The following NRN1L variants were observed in gnomAD, a reference collection of about 807,000 sequenced individuals.
The protein encoded by NRN1L is neuritin 1 like.
Under a neutral mutation model 8.8 loss-of-function variants are expected in NRN1L, and 12 were observed. The observed-to-expected ratio is 1.36, with a 90% CI of 0.87 to 2.20. The LOEUF (loss-of-function observed/expected upper bound fraction) is 2.20. Among genes scored for constraint, NRN1L ranks in the 30% most tolerant of loss-of-function variants. The pLI is 0.00. For synonymous variants in NRN1L, 114 were observed against 99.2 expected, an observed-to-expected ratio of 1.15 and a Z score of -0.88; for missense variants, 266 against 232.4, an observed-to-expected ratio of 1.14 and a Z score of -0.94.
rs1252223405 is a variant in NRN1L, at chr16:67,886,044, T to A, written c.283T>A (p.Trp95Arg). Reference protein sequence around the residue: ...SGCPEEAAAVWESLQQEARQA... With the variant: ...SGCPEEAAAVRESLQQEARQA... ...CTGTCCGGAGGAGGCAGCTGCAGTG[T>A]GGGAATCACTACAGCAAGAAGCTCG... The change falls in exon 3 of 3, where the codon TGG becomes AGG. Residue 95 changes from tryptophan (W) to arginine (R), a missense_variant. Coordinates refer to ENST00000339176, the MANE Select transcript of NRN1L (RefSeq NM_198443.2). 1.2e-6 allele frequency: 2 copies of A among 1,613,846 alleles called. No individual in the cohort carries two copies. The highest frequency in any genetic ancestry group is 1.7e-6 in the Non-Finnish European group (2 of 1,179,890).
downstream of NRN1L, chr16:67,886,415 G>C: frequency 1.4e-6 from 1 of 722,194 alleles, no homozygotes; most frequent in Non-Finnish European, 2.2e-6. Flanking sequence ...TGCGGCTGGG[G>C]CCAGGGACTC....
Position 67,885,724 on chromosome 16 carries a change from CT to C in NRN1L, c.86del (p.Leu29TyrfsTer133). 1.3e-6 allele frequency: 2 copies of C among 1,558,570 alleles called. No homozygotes were observed. Among genetic ancestry groups the C allele is most frequent in the South Asian group, 1.1e-5 (1 of 88,038 alleles). ...LRPLLLLPLV[L>X]LPPLAAAAAG... is the part of the protein sequence containing the mutation. ...CCCCACCCCCGCCCCACTTCTAGTC[CT>C]TTTACCTCCCCTGGCAGCAGCTGCA... is the stretch of plus-strand genomic sequence containing the variant. On this transcript the variant is annotated frameshift_variant, in exon 2 of 3. Coordinates refer to ENST00000339176, the MANE Select transcript of NRN1L (RefSeq NM_198443.2). LOFTEE classifies it high-confidence loss of function.
Position 67,886,013 on chromosome 16 carries a change from G to C in NRN1L, c.252G>C (p.Leu84=). The C allele has an allele frequency of 1.2e-6, 2 of 1,614,174 alleles. No homozygotes were observed. Among genetic ancestry groups the C allele is most frequent in the Non-Finnish European group, 1.7e-6 (2 of 1,180,026 alleles). ...TCCATGCCTGTGCCTCTCAGGTCCT[G>C]TCAGGCTGTCCGGAGGAGGCAGCTG... ...NDFHACASQV[L]SGCPEEAAAV... The change falls in exon 3 of 3, where the codon CTG becomes CTC. Residue 84 remains leucine, a synonymous_variant. Coordinates refer to ENST00000339176, the MANE Select transcript of NRN1L (RefSeq NM_198443.2).
downstream of NRN1L, among the ~76,000 whole-genome samples, chr16:67,887,870 G>A (rs1598182152): frequency 1.3e-5 from 2 of 152,052 alleles, no homozygotes; most frequent in South Asian, 4.1e-4. Context: ...GTGAGCCACC[G>A]CGCCCGGCCT....
downstream of NRN1L, among the ~76,000 whole-genome samples, chr16:67,886,630 C>T (rs77523695): frequency 6.6e-6 from 1 of 152,116 alleles, no homozygotes; most frequent in South Asian, 2.1e-4. Context: ...GGGTTGAGAT[C>T]GGGAGGGTGG....
downstream of NRN1L, among the ~76,000 whole-genome samples, chr16:67,887,489 C>T (rs1054011153): frequency 1.1e-4 from 17 of 151,568 alleles, no homozygotes; most frequent in Admixed American, 5.9e-4. Flanking sequence ...AGGCTGGTCT[C>T]GAACTCCTAA....
At chr16:67,888,419 A>T (rs2058102589), downstream of NRN1L, among the ~76,000 whole-genome samples, 1 of 151,830 alleles carries the variant, frequency 6.6e-6, no homozygotes. Context: ...CGTCAGGGAG[A>T]TTACCATCCT....
At position 67,884,960 on chromosome 16, in the gene NRN1L, G is replaced by A; in HGVS notation, c.57G>A (p.Arg19=). ...GCCGGCAACCACCCCATGCCCTGAG[G>A]CCGTTGCTGTTGCTGCCCCTCGGTG... ...CCCRQPPHAL[R]PLLLLPLVLL... The change falls in exon 1 of 3, where the codon AGG becomes AGA. Residue 19 remains arginine, a synonymous_variant. Transcript: ENST00000339176. This position sits in a 1 kb window ranked among gnomAD's most constrained non-coding sequence, Gnocchi z 4.1. The A allele has an allele frequency of 6.2e-7, 1 of 1,608,382 alleles. No homozygotes were observed.
At chr16:67,887,127 G>A (rs1207875186), downstream of NRN1L, among the ~76,000 whole-genome samples, 3 of 152,136 alleles carry the variant, frequency 2.0e-5, no homozygotes, top group Non-Finnish European at 2.9e-5. Flanking sequence ...CTAGGCAGAG[G>A]AATCTGAGGA....
intron 1 of NRN1L, chr16:67,885,280 T>C (rs909895277): frequency 1.8e-6 from 1 of 554,744 alleles, no homozygotes; most frequent in Non-Finnish European, 3.2e-6. Context: ...TGGATCCCAA[T>C]ACCTCTGCAT....
In NRN1L at chr16:67,885,704, C is replaced by A. The variant is rs761950965; in HGVS notation, c.80-18C>A. 7.7e-7 allele frequency: 1 copy of A among 1,306,060 alleles called. No homozygotes were observed. Among genetic ancestry groups the A allele is most frequent in the Non-Finnish European group, 1.1e-6 (1 of 935,626 alleles). The allele number at this position is 1,306,060 out of a possible 1,614,324, so 80.9% of individuals were successfully genotyped here. On this transcript the variant is annotated intron_variant, in intron 1 of 2. Coordinates refer to ENST00000339176, the MANE Select transcript of NRN1L (RefSeq NM_198443.2). ...TATCTACCATTCCTTCCCCACCCCA[C>A]CCCCGCCCCACTTCTAGTCCTTTTA... is the stretch of plus-strand genomic sequence containing the variant.
chr16:67,885,587 C>G (rs935232645), intron 1 of NRN1L, 135 bp from the exon 2 acceptor site: 2 of 668,392 alleles, frequency 3.0e-6, no homozygotes, highest in East Asian at 6.0e-5. Context: ...CCCTTTAGTT[C>G]CCTGGGGCAC....
rs758348157 is a variant in NRN1L at position 67,886,099 on chromosome 16, C to G, written c.338C>G (p.Thr113Ser). ...RQAPRPNNLH[T>S]LCGAPVHVRE... Reference sequence around the variant, plus strand: ...GCCCCCCGTCCGAATAACTTGCACACTCTGTGCGGTGCCCCGGTGCATGTT... The same window carrying G: ...GCCCCCCGTCCGAATAACTTGCACAGTCTGTGCGGTGCCCCGGTGCATGTT... Residue 113 changes from threonine (T) to serine (S), a missense_variant, in exon 3 of 3, where the codon ACT (threonine) becomes AGT (serine). Physicochemically the swap from Thr to Ser is moderately conservative, Grantham distance 58. Transcript: ENST00000339176. 1.2e-6 allele frequency: 2 copies of G among 1,613,370 alleles called. No homozygotes were observed. The highest frequency in any genetic ancestry group is 1.1e-5 in the South Asian group (1 of 90,942).
At chr16:67,885,015 C>A in intron 1 of NRN1L, 33 bp downstream of exon 1, 1 of 1,569,402 alleles carries the variant, frequency 6.4e-7, no homozygotes, top group Non-Finnish European at 8.7e-7. Flanking sequence ...CGGGCCACAC[C>A]CCCTTCTCGC....
rs147414083 is a variant in NRN1L, at chr16:67,884,909, G to T, written c.6G>T (p.Met2Ile). ...CACTAGGCTCTCAGCCAGGGATGATGCGCTGCTGCCGCCGCCGCTGCTGCT... is the reference window on the plus strand; with the variant it reads ...CACTAGGCTCTCAGCCAGGGATGATTCGCTGCTGCCGCCGCCGCTGCTGCT... M[M>I]RCCRRRCCCR... Residue 2 changes from methionine (M) to isoleucine (I), a missense_variant, in exon 1 of 3, where the codon ATG becomes ATT. Met to Ile is a conservative substitution (Grantham distance 10, BLOSUM62 1). Transcript: ENST00000339176. This position sits in a 1 kb window ranked among gnomAD's most constrained non-coding sequence, Gnocchi z 4.1. 896 of 1,604,966 alleles carry T rather than the reference G, an allele frequency of 5.6e-4. 5 individuals carry two copies. The Admixed American group carries it at 9.9e-3, about 18-fold the overall frequency.
chr16:67,885,338 G>T, intron 1 of NRN1L: 1 of 484,326 alleles, frequency 2.1e-6, no homozygotes, highest in Non-Finnish European at 3.7e-6. Flanking sequence ...GAGTTCGGAG[G>T]GCCAAGCAAA....
chr16:67,886,242 C>T lies in NRN1L; in HGVS notation c.481C>T (p.Leu161=), dbSNP rs200405567. 4.3e-5 allele frequency: 68 copies of T among 1,593,894 alleles called. No homozygotes were observed. The East Asian group carries it at 1.3e-3, about 32-fold the overall frequency. Residue 161 remains leucine (L), a synonymous_variant, in exon 3 of 3, where the codon CTG becomes TTG. Coordinates refer to ENST00000339176, the MANE Select transcript of NRN1L (RefSeq NM_198443.2). ...GGCTGCTCTGGCTCTGGCCTACCTC[C>T]TGAGGCCTCTGGCCTAGCTTGTTGG... is the stretch of plus-strand genomic sequence containing the variant. The part of the protein sequence containing the change: ...LAAALALAYL[L]RPLA
Position 67,885,979 on chromosome 16 carries a change from G to A in NRN1L, c.218G>A (p.Trp73Ter), listed in dbSNP as rs765819536. 1 of 1,614,128 alleles carries A rather than the reference G, an allele frequency of 6.2e-7. No individual in the cohort carries two copies. The highest frequency in any genetic ancestry group is 1.1e-5 in the South Asian group (1 of 91,082). The change falls in exon 3 of 3, where the codon TGG (tryptophan) becomes TAG (stop). Residue 73 changes from tryptophan (W) to a stop codon, truncating the protein, a stop_gained. Transcript: ENST00000339176. LOFTEE classifies it low-confidence loss of function (END_TRUNC). ...TAATCCCACTCCCTTAACAGGTCTT[G>A]GAATGACTTCCATGCCTGTGCCTCT... ...GGELETICRS[W>*]NDFHACASQV...
chr16:67,886,159 A>T lies in NRN1L; in HGVS notation c.398A>T (p.Glu133Val), dbSNP rs1363940803. 1 of 1,609,234 alleles carries T rather than the reference A, an allele frequency of 6.2e-7. No homozygotes were observed. The highest frequency in any genetic ancestry group is 1.1e-5 in the South Asian group (1 of 90,852). Residue 133 changes from glutamate to valine, a missense_variant, in exon 3 of 3, where the codon GAG becomes GTG. By Grantham distance (121) the Glu-to-Val change is moderately radical. Transcript: ENST00000339176. ...ERGTGSETNQ[E>V]TLRATAPALP... ...GGCACAGGCTCCGAAACCAACCAGG[A>T]GACGCTGCGGGCTACAGCGCCTGCA...
Sources: allele counts gnomAD v4.1 joint callset (sites outside exome capture counted in the v4.1 genomes callset), GRCh38; gene constraint gnomAD v4.1.1; non-coding constraint Gnocchi (gnomAD v3.1); transcripts MANE v1.5; gene names NCBI Gene and HGNC (gene_info 2026-07-23, HGNC 2026-07-21).